Variants in ACTR3C observed in about 807,000 individuals in gnomAD.
ACTR3C encodes actin-related protein 3C.
ACTR3C carries 18 observed loss-of-function variants against 26.3 expected under a neutral mutation model. That is an observed-to-expected ratio of 0.68 (90% CI 0.47 to 1.01). ACTR3C has a LOEUF of 1.01. ACTR3C is among the 50% of genes least tolerant of loss of function. The probability of loss-of-function intolerance (pLI) is 0.00; values close to 1 mark genes in which losing one functional copy is unlikely to be tolerated. For missense variants in ACTR3C, 184 were observed against 250.7 expected, an observed-to-expected ratio of 0.73 and a Z score of 1.80; for synonymous variants, 55 against 94.5, an observed-to-expected ratio of 0.58 and a Z score of 2.42.
At chr7:150,235,328 T>G in the ACTR3C span, among the ~76,000 whole-genome samples, 1 of 151,840 alleles carries the variant, frequency 6.6e-6, no homozygotes, top group East Asian at 1.9e-4. Flanking sequence ...AGGTGAGGGG[T>G]CCTCAACATT....
chr7:150,123,695 C>A, the ACTR3C span, among the ~76,000 whole-genome samples: 19 of 151,848 alleles, frequency 1.3e-4, no homozygotes, highest in African/African-American at 4.6e-4. Flanking sequence ...TCTAGAGACT[C>A]CTAGAGAGAA....
the ACTR3C span, among the ~76,000 whole-genome samples, chr7:150,154,032 A>G: frequency 1.4e-5 from 2 of 140,550 alleles, no homozygotes; most frequent in Non-Finnish European, 3.0e-5. Context: ...ATGAGAACGC[A>G]TGGACACAGG....
At chr7:150,084,600 G>A in the ACTR3C span, among the ~76,000 whole-genome samples, 12,768 of 152,208 alleles carry the variant, frequency 0.084, 899 homozygotes, top group Admixed American at 0.23. Context: ...GATGCAGAAG[G>A]AATGTGATAT....
the ACTR3C span, among the ~76,000 whole-genome samples, chr7:150,057,550 T>C: frequency 6.6e-6 from 1 of 152,188 alleles, no homozygotes; most frequent in Non-Finnish European, 1.5e-5. Context: ...CCTCCCAAAG[T>C]GCTGGGATTA....
At chr7:150,116,351 C>G in the ACTR3C span, among the ~76,000 whole-genome samples, 2 of 152,180 alleles carry the variant, frequency 1.3e-5, no homozygotes, top group African/African-American at 4.8e-5. Context: ...ACCAGAATTT[C>G]CAAGGGAAGA....
the ACTR3C span, among the ~76,000 whole-genome samples, chr7:150,210,422 C>A: frequency 3.9e-3 from 582 of 149,874 alleles, 2 homozygotes; most frequent in African/African-American, 0.014. Context: ...AAAACTTGTA[C>A]ATAAATGTTT....
chr7:149,994,756 G>T, the ACTR3C span, among the ~76,000 whole-genome samples: 1 of 152,100 alleles, frequency 6.6e-6, no homozygotes, highest in East Asian at 1.9e-4. Context: ...CTTGGAGGAG[G>T]CAGGAAATAG....
the ACTR3C span, among the ~76,000 whole-genome samples, chr7:150,193,433 C>T: frequency 2.9e-5 from 4 of 140,198 alleles, no homozygotes; most frequent in African/African-American, 1.1e-4. Context: ...TCTTTGTTGC[C>T]ATCTTTATTA....
the ACTR3C span, among the ~76,000 whole-genome samples, chr7:150,179,428 A>G: frequency 2.1e-5 from 3 of 144,262 alleles, no homozygotes; most frequent in Non-Finnish European, 4.5e-5. Flanking sequence ...GAAAAAAAAA[A>G]AAAGAAAGAA....
chr7:150,209,430 ACT>A, the ACTR3C span, among the ~76,000 whole-genome samples: 1 of 151,440 alleles, frequency 6.6e-6, no homozygotes, highest in East Asian at 1.9e-4. Context: ...CACTTGCCTA[ACT>A]CAAAGGTATT....
chr7:150,081,104 A>C, the ACTR3C span, among the ~76,000 whole-genome samples: 50 of 152,250 alleles, frequency 3.3e-4, no homozygotes, highest in African/African-American at 1.2e-3. Context: ...TCAGCTATTG[A>C]AGCTAGTTAC....
chr7:150,015,820 G>C, the ACTR3C span, among the ~76,000 whole-genome samples: 1 of 152,242 alleles, frequency 6.6e-6, no homozygotes, highest in Non-Finnish European at 1.5e-5. Flanking sequence ...GGAGGGAGCA[G>C]AGGAAAGGGT....
intron 1 of ACTR3C, among the ~76,000 whole-genome samples, chr7:150,316,532 C>T (rs761557362): frequency 1.5e-5 from 2 of 133,784 alleles, no homozygotes; most frequent in East Asian, 2.3e-4. Context: ...TGTTGCCAGG[C>T]GGGAGTGCAG....
At chr7:149,983,030 AAC>A in the ACTR3C span, among the ~76,000 whole-genome samples, 1 of 152,192 alleles carries the variant, frequency 6.6e-6, no homozygotes, top group East Asian at 1.9e-4. Flanking sequence ...ATGGGAAAAT[AAC>A]AGTCTCTTCC....
the ACTR3C span, among the ~76,000 whole-genome samples, chr7:150,077,245 C>T: frequency 1.3e-5 from 2 of 152,094 alleles, no homozygotes; most frequent in Non-Finnish European, 2.9e-5. Context: ...TTTCGTGATG[C>T]TGATTGTTAT....
chr7:150,035,683 T>C, the ACTR3C span, among the ~76,000 whole-genome samples: 5 of 129,374 alleles, frequency 3.9e-5, 1 homozygote, highest in African/African-American at 1.4e-4. Flanking sequence ...CCTAAGGATC[T>C]TAGGATCAGC....
chr7:150,216,408 T>C, the ACTR3C span, among the ~76,000 whole-genome samples: 37 of 151,866 alleles, frequency 2.4e-4, no homozygotes, highest in Admixed American at 1.2e-3. Context: ...ACTTTCTACT[T>C]GTGTGATTTT....
chr7:150,004,638 C>T, the ACTR3C span: 1 of 152,118 alleles, frequency 6.6e-6, no homozygotes, highest in Non-Finnish European at 1.5e-5. Flanking sequence ...ACAGACACCA[C>T]CTTAAATAAG....
chr7:149,988,398 A>G, the ACTR3C span, among the ~76,000 whole-genome samples: 5 of 152,336 alleles, frequency 3.3e-5, 1 homozygote, highest in South Asian at 4.1e-4. Flanking sequence ...GGCGGAGAGC[A>G]TCGGTGTTCT....
Sources: gnomAD v4.1 joint callset for allele counts (sites outside exome capture counted in the v4.1 genomes callset) on GRCh38, gnomAD v4.1.1 for gene constraint, MANE v1.5 for transcripts, NCBI Gene and HGNC (gene_info 2026-07-23, HGNC 2026-07-21) for gene names.